The following PPFIA3 variants were observed in gnomAD, a reference collection of about 807,000 sequenced individuals.
PPFIA3 encodes liprin-alpha-3.
Under a neutral mutation model 145.8 loss-of-function variants are expected in PPFIA3, and 26 were observed. The ratio of observed to expected loss-of-function variants is 0.18; its 90% CI spans 0.13 to 0.25. PPFIA3 has a LOEUF of 0.25. Among genes scored for constraint, PPFIA3 ranks in the 10% least tolerant of loss-of-function variants. PPFIA3 has a pLI of 1.00. For missense variants in PPFIA3, 1,008 were observed against 1,587.8 expected (o/e 0.63, Z 6.21); for synonymous variants, 645 against 661.4 (o/e 0.98, Z 0.38).
chr19:49,130,884 C>G lies in PPFIA3; in HGVS notation c.879+285C>G, dbSNP rs2041061184. ...TGGATTTTTTTTTTCTTTTGTGAGG[C>G]AGAGTCTGGCTGTGTCGCCCAGGCT... On this transcript the variant is annotated intron_variant, in intron 7 of 29. Coordinates refer to ENST00000334186, the MANE Select transcript of PPFIA3 (RefSeq NM_003660.4). The surrounding 1 kb of genome is among the most constrained non-coding windows in gnomAD (Gnocchi z 4.5). 6.6e-6 allele frequency among the ~76,000 whole-genome samples: 1 copy of G among 151,904 alleles called. No homozygotes were observed. The highest frequency in any genetic ancestry group is 1.5e-5 in the Non-Finnish European group (1 of 68,000).
In PPFIA3 at chr19:49,120,694, C is replaced by A. The variant is rs1176012885; in HGVS notation, c.-16+972C>A. Reference sequence around the variant, plus strand: ...CATGACTCCTTTCCTTTGGGGGACCCGGAATGTGATTCTCAATGCAGTTCT... The same window carrying A: ...CATGACTCCTTTCCTTTGGGGGACCAGGAATGTGATTCTCAATGCAGTTCT... On this transcript the variant is annotated intron_variant, in intron 1 of 29. Coordinates refer to ENST00000334186, the MANE Select transcript of PPFIA3 (RefSeq NM_003660.4). The surrounding 1 kb of genome is among the most constrained non-coding windows in gnomAD (Gnocchi z 4.6). Among the ~76,000 whole-genome samples, 1 of 152,146 alleles carries A rather than the reference C, an allele frequency of 6.6e-6. No individual in the cohort carries two copies. Among genetic ancestry groups the A allele is most frequent in the Non-Finnish European group, 1.5e-5 (1 of 68,024 alleles).
chr19:49,129,050 C>T, intron 4 of PPFIA3, 38 bp downstream of exon 4: 2 of 1,543,164 alleles, frequency 1.3e-6, no homozygotes, highest in Non-Finnish European at 1.8e-6. Context: ...AGAATGGAAA[C>T]CTATAGTTGA....
Position 49,130,383 on chromosome 19 carries a change from T to C in PPFIA3, c.663T>C (p.Leu221=). ...EPGKDGDGQT[L]ANGLGPGGDS... The stretch of plus-strand genomic sequence containing the variant: ...CCCTCCTTCCCTCACTCCAGACTCT[T>C]GCCAATGGCCTGGGTCCTGGCGGGG... Residue 221 remains leucine (L), a synonymous_variant, in exon 7 of 30, where the codon CTT becomes CTC. Transcript: ENST00000334186. This position sits in a 1 kb window ranked among gnomAD's most constrained non-coding sequence, Gnocchi z 4.5. The C allele has an allele frequency of 6.2e-7, 1 of 1,604,666 alleles. No individual in the cohort carries two copies. Among genetic ancestry groups the C allele is most frequent in the East Asian group, 2.2e-5 (1 of 44,678 alleles).
At position 49,138,754 on chromosome 19, in the gene PPFIA3, G is replaced by C. The variant is rs919178796; in HGVS notation, c.2076+327G>C. 2.0e-5 allele frequency among the ~76,000 whole-genome samples: 3 copies of C among 152,318 alleles called. No homozygotes were observed. The East Asian group carries it at 5.8e-4, about 29-fold the overall frequency. On this transcript the variant is annotated intron_variant, in intron 16 of 29. Transcript: ENST00000334186. ...GGAGGCCAAGGTGGGCAGATCACTT[G>C]AGGTCAGGAGTTCGAGACCCACCTG... is the stretch of plus-strand genomic sequence containing the variant.
intron 18 of PPFIA3, 56 bp from the exon 19 acceptor site, chr19:49,141,364 A>T: frequency 7.2e-7 from 1 of 1,389,924 alleles, no homozygotes; most frequent in East Asian, 2.3e-5. Context: ...CTCCAGCATG[A>T]AAGATTCTGC....
Position 49,133,006 on chromosome 19 carries a change from G to C in PPFIA3, c.885G>C (p.Leu295=). 1 of 1,611,472 alleles carries C rather than the reference G, an allele frequency of 6.2e-7. No homozygotes were observed. The highest frequency in any genetic ancestry group is 8.5e-7 in the Non-Finnish European group (1 of 1,179,522). The change falls in exon 8 of 30, where the codon CTG becomes CTC. Residue 295 remains leucine, a synonymous_variant. Coordinates refer to ENST00000334186, the MANE Select transcript of PPFIA3 (RefSeq NM_003660.4). The surrounding 1 kb of genome is among the most constrained non-coding windows in gnomAD (Gnocchi z 7.2). ...GCCCTTTGCTACCTCCGCAGGCGCTGGCGCAGCGGGAAGATATGGAGGAGC... is the reference window on the plus strand; with the variant it reads ...GCCCTTTGCTACCTCCGCAGGCGCTCGCGCAGCGGGAAGATATGGAGGAGC... ...SKLQRDLKEA[L]AQREDMEERI...
At position 49,128,509 on chromosome 19, in the gene PPFIA3, C is replaced by T. The variant is rs1411300497; in HGVS notation, c.342+41C>T. On this transcript the variant is annotated intron_variant, in intron 3 of 29. Transcript: ENST00000334186. This position sits in a 1 kb window ranked among gnomAD's most constrained non-coding sequence, Gnocchi z 4.1. ...GGCGGGGCCTAAGTGGGGGCGGGGC[C>T]TCGTGGTGTTGAAGTGGGGGGCGGG... 2.6e-6 allele frequency: 4 copies of T among 1,528,566 alleles called. No homozygotes were observed. Among genetic ancestry groups the T allele is most frequent in the South Asian group, 1.1e-5 (1 of 88,500 alleles). 94.7% of individuals were successfully genotyped at this position (1,528,566 alleles called of 1,614,324 possible).
At chr19:49,138,510 A>C in intron 16 of PPFIA3, 83 bp downstream of exon 16, 4 of 1,161,024 alleles carry the variant, frequency 3.4e-6, no homozygotes, top group South Asian at 2.1e-5. Context: ...AGCAACAATA[A>C]CCCCTCACAC....
At chr19:49,144,913 T>TTTTTC (rs1028341721) in intron 21 of PPFIA3, among the ~76,000 whole-genome samples, 2 of 151,644 alleles carry the variant, frequency 1.3e-5, no homozygotes, top group Admixed American at 6.6e-5. Flanking sequence ...TGTTAATTTC[T>TTTTTC]TTTTCTTTTC....
At chr19:49,121,092 G>A (rs2040931573) in intron 1 of PPFIA3, among the ~76,000 whole-genome samples, 2 of 152,010 alleles carry the variant, frequency 1.3e-5, no homozygotes, top group Admixed American at 6.6e-5. Context: ...CCCAGGTGGC[G>A]GGCTTCAGGA....
Position 49,149,778 on chromosome 19 carries a change from C to T in PPFIA3, c.3526+60C>T, listed in dbSNP as rs1362080738. Reference sequence around the variant, plus strand: ...CTTCCCTAGGGTGGGGCATGGACCACCTCAGTAGTCCGGGTTCTGGAATGG... The same window carrying T: ...CTTCCCTAGGGTGGGGCATGGACCATCTCAGTAGTCCGGGTTCTGGAATGG... On this transcript the variant is annotated intron_variant, in intron 28 of 29. Transcript: ENST00000334186. The surrounding 1 kb of genome is among the most constrained non-coding windows in gnomAD (Gnocchi z 5.7). 11 of 1,533,132 alleles carry T rather than the reference C, an allele frequency of 7.2e-6. No homozygotes were observed. The Admixed American group carries it at 1.6e-4, about 22-fold the overall frequency. The allele number at this position is 1,533,132 out of a possible 1,614,324, so 95.0% of individuals were successfully genotyped here. A position where few individuals can be genotyped will look rare whatever the true frequency, so the allele number is the denominator to read the frequency against.
Position 49,149,082 on chromosome 19 carries a change from G to A in PPFIA3, c.3199G>A (p.Val1067Ile), listed in dbSNP as rs761693914. The change falls in exon 26 of 30, where the codon GTA (valine) becomes ATA (isoleucine). Residue 1067 changes from valine to isoleucine, a missense_variant. This residue lies in a region of PPFIA3 where 154 missense variants were observed against 369.2 expected (regional missense o/e 0.42). Transcript: ENST00000334186. The surrounding 1 kb of genome is among the most constrained non-coding windows in gnomAD (Gnocchi z 5.7). The stretch of plus-strand genomic sequence containing the variant: ...TGCCACGAACCTCACGGAGAGCGGG[G>A]TACACGGGGCACTGCTCGCCCTGGA... The part of the protein sequence containing the change: ...EFATNLTESG[V>I]HGALLALDET... 1 of 1,614,158 alleles carries A rather than the reference G, an allele frequency of 6.2e-7. No individual in the cohort carries two copies. Among genetic ancestry groups the A allele is most frequent in the Non-Finnish European group, 8.5e-7 (1 of 1,180,016 alleles).
intron 11 of PPFIA3, 130 bp from the exon 12 acceptor site, chr19:49,134,509 C>T: frequency 1.1e-6 from 1 of 879,892 alleles, no homozygotes; most frequent in Non-Finnish European, 1.9e-6. Flanking sequence ...TCCCCCGAAA[C>T]TCACCACTTG....
chr19:49,130,512 C>A lies in PPFIA3; in HGVS notation c.792C>A (p.Ser264Arg). The A allele has an allele frequency of 6.3e-7, 1 of 1,594,456 alleles. No homozygotes were observed. The highest frequency in any genetic ancestry group is 8.5e-7 in the Non-Finnish European group (1 of 1,171,464). ...TGGCGGTGCTGTGCCGTCAGATGAG[C>A]CAGCTGGAGGAGGAGTTGGGCACCG... ...ERLAVLCRQM[S>R]QLEEELGTAH... Residue 264 changes from serine (S) to arginine (R), a missense_variant, in exon 7 of 30, where the codon AGC becomes AGA. Transcript: ENST00000334186. The surrounding 1 kb of genome is among the most constrained non-coding windows in gnomAD (Gnocchi z 4.5).
chr19:49,134,992 C>T, intron 13 of PPFIA3, 77 bp downstream of exon 13: 3 of 1,262,276 alleles, frequency 2.4e-6, no homozygotes, highest in South Asian at 1.6e-5. Flanking sequence ...TTCTGATCCC[C>T]ACTTCCTGTC....
chr19:49,128,792 A>T lies in PPFIA3; in HGVS notation c.343-56A>T. ...CGCCCTACCTGTCACCCTTTTTCTC[A>T]CATCTGCCCCTTTTCCCTTGCCTCT... On this transcript the variant is annotated intron_variant, in intron 3 of 29. Coordinates refer to ENST00000334186, the MANE Select transcript of PPFIA3 (RefSeq NM_003660.4). This position sits in a 1 kb window ranked among gnomAD's most constrained non-coding sequence, Gnocchi z 4.1. 1 of 1,465,418 alleles carries T rather than the reference A, an allele frequency of 6.8e-7. No individual in the cohort carries two copies. Among genetic ancestry groups the T allele is most frequent in the South Asian group, 1.3e-5 (1 of 75,432 alleles). The allele number at this position is 1,465,418 out of a possible 1,614,324, so 90.8% of individuals were successfully genotyped here. A position where few individuals can be genotyped will look rare whatever the true frequency, so the allele number is the denominator to read the frequency against.
At chr19:49,126,560 CTTTTT>C (rs762895281) in intron 1 of PPFIA3, among the ~76,000 whole-genome samples, 1 of 118,820 alleles carries the variant, frequency 8.4e-6, no homozygotes, top group African/African-American at 3.3e-5. Flanking sequence ...CCTGGCCTTG[CTTTTT>C]TTTTTTTTTT....
In PPFIA3 at chr19:49,136,826, C is replaced by A; in HGVS notation, c.1768C>A (p.Leu590Met). The A allele has an allele frequency of 6.3e-7, 1 of 1,590,856 alleles. No individual in the cohort carries two copies. The change falls in exon 15 of 30, where the codon CTG becomes ATG. Residue 590 changes from leucine to methionine, a missense_variant. Leu to Met is a conservative substitution (Grantham distance 15, BLOSUM62 2). Around this residue, in one of 11 missense-constraint regions of PPFIA3, gnomAD observed 121 missense variants for 138.2 expected, o/e 0.88. Coordinates refer to ENST00000334186, the MANE Select transcript of PPFIA3 (RefSeq NM_003660.4). ...EEAEGMFGAE[L>M]LSPSGQADVQ... is the part of the protein sequence containing the mutation. ...GGCAGAGGGGATGTTTGGGGCCGAG[C>A]TGCTGTCCCCCAGTGGGCAGGCTGA...
At chr19:49,132,891 C>A in intron 7 of PPFIA3, 110 bp from the exon 8 acceptor site, 1 of 1,416,496 alleles carries the variant, frequency 7.1e-7, no homozygotes, top group Non-Finnish European at 9.6e-7. Context: ...GGTGTGACAC[C>A]ACCATTCTGA....
Sources: gnomAD v4.1 joint callset for allele counts (sites outside exome capture counted in the v4.1 genomes callset) on GRCh38, gnomAD v4.1.1 for gene constraint, gnomAD v4.1.1 regional missense constraint, Gnocchi (gnomAD v3.1) non-coding constraint, MANE v1.5 for transcripts, NCBI Gene and HGNC (gene_info 2026-07-23, HGNC 2026-07-21) for gene names.